ADAM33: variants seen among roughly 807,000 people sequenced by gnomAD.
The protein encoded by ADAM33 is ADAM metallopeptidase domain 33, also known as disintegrin and metalloproteinase domain-containing protein 33.
In ADAM33, 103 loss-of-function variants were observed where a neutral mutation model predicts 106.2. The observed-to-expected ratio is 0.97, with a 90% confidence interval of 0.83 to 1.14. The LOEUF is 1.14. Among genes scored for constraint, ADAM33 ranks in the 50% most tolerant of loss-of-function variants. The probability of loss-of-function intolerance (pLI) is 0.00; values close to 1 mark genes in which losing one functional copy is unlikely to be tolerated. For missense variants in ADAM33, 1,120 were observed against 1,096.6 expected, an observed-to-expected ratio of 1.02 and a Z score of -0.30; for synonymous variants, 483 against 453.0, an observed-to-expected ratio of 1.07 and a Z score of -0.84.
chr20:3,670,907 G>A, intron 19 of ADAM33, 99 bp downstream of exon 19: 1 of 1,431,050 alleles, frequency 7.0e-7, no homozygotes, highest in Non-Finnish European at 9.2e-7. Context: ...TGCACCTGGG[G>A]GCAAGGCTGA....
intron 3 of ADAM33, among the ~76,000 whole-genome samples, chr20:3,676,152 G>A (rs1213808512): frequency 6.6e-6 from 1 of 152,158 alleles, no homozygotes; most frequent in East Asian, 1.9e-4. Context: ...AAGAGCCTGC[G>A]CTCCAGCCCG....
At chr20:3,681,634 G>T (rs1568827753) in intron 1 of ADAM33, among the ~76,000 whole-genome samples, 1 of 140,326 alleles carries the variant, frequency 7.1e-6, no homozygotes, top group Admixed American at 7.3e-5. Flanking sequence ...GCCCCCGAGG[G>T]GGAGGGAGCC....
At chr20:3,669,884 C>G (rs17548872) in intron 19 of ADAM33, 26,571 of 452,290 alleles carry the variant, frequency 0.059, 741 homozygotes, top group East Asian at 0.13. Context: ...ACATTTCCTC[C>G]AGGCTCTGAC....
In ADAM33 at chr20:3,673,678, T is replaced by C; in HGVS notation, c.906-20A>G. ...CGGCCCCTGGGGGCGGAGCGCGGCG[T>C]GACCAGGCGGGGCCGGGAGGTGAGG... On this transcript the variant is annotated intron_variant, in intron 9 of 21. Transcript: ENST00000356518. 1 of 1,347,372 alleles carries C rather than the reference T, an allele frequency of 7.4e-7. No individual in the cohort carries two copies. The highest frequency in any genetic ancestry group is 9.5e-7 in the Non-Finnish European group (1 of 1,056,492). 83.5% of individuals were successfully genotyped at this position (1,347,372 alleles called of 1,614,324 possible). A position where few individuals can be genotyped will look rare whatever the true frequency, so the allele number is the denominator to read the frequency against.
At chr20:3,679,403 C>T (rs2088269632) in intron 2 of ADAM33, 89 bp downstream of exon 2, 2 of 1,409,364 alleles carry the variant, frequency 1.4e-6, no homozygotes, top group African/African-American at 1.4e-5. Context: ...CTGGGGACCC[C>T]AGCAAAACTA....
rs371314056 is a variant in ADAM33 at position 3,674,772 on chromosome 20, C to T, written c.410+1G>A. 5 of 1,605,762 alleles carry T rather than the reference C, an allele frequency of 3.1e-6. No homozygotes were observed. In the South Asian group the frequency reaches 4.5e-5, roughly 14 times the overall value. Reference sequence around the variant, plus strand: ...GCCCAGCCTCCTCTCCCAGAGCTCACCTCATCCCAGAGCAGGTGCAGAGGA... The same window carrying T: ...GCCCAGCCTCCTCTCCCAGAGCTCATCTCATCCCAGAGCAGGTGCAGAGGA... On this transcript the variant is annotated splice_donor_variant, in intron 5 of 21. Coordinates refer to ENST00000356518, the MANE Select transcript of ADAM33 (RefSeq NM_025220.5). LOFTEE classifies it high-confidence loss of function.
intron 19 of ADAM33, 78 bp from the exon 20 acceptor site, chr20:3,669,715 CA>C (rs1568794926): frequency 7.6e-7 from 1 of 1,319,196 alleles, no homozygotes; most frequent in Non-Finnish European, 1.1e-6. Flanking sequence ...GCATGGTGTC[CA>C]GCCCAGGGAG....
chr20:3,677,056 C>T lies in ADAM33; in HGVS notation c.254+11G>A, dbSNP rs760514384. 6.2e-7 allele frequency: 1 copy of T among 1,612,498 alleles called. No homozygotes were observed. The highest frequency in any genetic ancestry group is 8.5e-7 in the Non-Finnish European group (1 of 1,179,722). On this transcript the variant is annotated intron_variant, in intron 3 of 21. Coordinates refer to ENST00000356518, the MANE Select transcript of ADAM33 (RefSeq NM_025220.5). ...CCCCTCCTCCCAGCCCTACCCCAGC[C>T]TGGCACTCACTGGTTCTTCTCCAGC...
chr20:3,677,453 C>T (rs2088074985), intron 2 of ADAM33, among the ~76,000 whole-genome samples: 1 of 152,220 alleles, frequency 6.6e-6, no homozygotes, highest in Non-Finnish European at 1.5e-5. Context: ...CTGGCCCGCC[C>T]TCTTCTTTCA....
intron 19 of ADAM33, chr20:3,670,096 T>C: frequency 4.2e-6 from 1 of 236,848 alleles, no homozygotes; most frequent in Non-Finnish European, 8.4e-6. Flanking sequence ...CATTCTCCCC[T>C]GCCCTGAGAC....
chr20:3,671,596 C>T lies in ADAM33; in HGVS notation c.1890G>A (p.Gln630=), dbSNP rs747087616. 81 of 1,589,658 alleles carry T rather than the reference C, an allele frequency of 5.1e-5. No homozygotes were observed. The South Asian group carries it at 9.0e-4, about 18-fold the overall frequency. Residue 630 remains glutamine (Q), a synonymous_variant, in exon 16 of 22, where the codon CAG becomes CAA. Coordinates refer to ENST00000356518, the MANE Select transcript of ADAM33 (RefSeq NM_025220.5). ...CAGAGCTCACCATTCTAGGTCCACACTGGGTGCCTGGCTCTACCAGGCCCA... is the reference window on the plus strand; with the variant it reads ...CAGAGCTCACCATTCTAGGTCCACATTGGGTGCCTGGCTCTACCAGGCCCA... ...LGLGLVEPGT[Q]CGPRMVCQSR...
In ADAM33 at chr20:3,673,899, G is replaced by A. The variant is rs770835706; in HGVS notation, c.751C>T (p.Leu251=). 2 of 1,563,710 alleles carry A rather than the reference G, an allele frequency of 1.3e-6. No homozygotes were observed. The highest frequency in any genetic ancestry group is 1.9e-5 in the Admixed American group (1 of 53,800). The change falls in exon 9 of 22, where the codon CTG becomes TTG. Residue 251 remains leucine, a synonymous_variant. Transcript: ENST00000356518. ...CCGGTCAGCGCCACCTGAATGTCCA[G>A]AGTCCTGAGAAGCTGAGGGCGAGGC... is the stretch of plus-strand genomic sequence containing the variant. ...ANYVDQLLRT[L]DIQVALTGLE...
At position 3,668,523 on chromosome 20, in the gene ADAM33, T is replaced by G. The variant is rs1600191121; in HGVS notation, c.*440A>C. 9.5e-6 allele frequency: 2 copies of G among 210,094 alleles called. No individual in the cohort carries two copies. The highest frequency in any genetic ancestry group is 1.9e-5 in the Non-Finnish European group (2 of 103,612). 13.0% of individuals were successfully genotyped at this position (210,094 alleles called of 1,614,324 possible). The stretch of plus-strand genomic sequence containing the variant: ...AGAGGCCAGCCAGGCTCCAGGGGAG[T>G]GTGGACTCAGTCGAACCATAGGGCC... On this transcript the variant is annotated 3_prime_UTR_variant, in exon 22 of 22. Coordinates refer to ENST00000356518, the MANE Select transcript of ADAM33 (RefSeq NM_025220.5).
Position 3,671,751 on chromosome 20 carries a change from G to A in ADAM33, c.1735C>T (p.Gln579Ter), listed in dbSNP as rs41423749. The A allele has an allele frequency of 2.4e-5, 37 of 1,573,682 alleles. No homozygotes were observed. In the East Asian group the frequency reaches 8.3e-4, roughly 35 times the overall value. The change falls in exon 16 of 22, where the codon CAG (glutamine) becomes TAG (stop). Residue 579 changes from glutamine (Q) to a stop codon, truncating the protein, a stop_gained. Coordinates refer to ENST00000356518, the MANE Select transcript of ADAM33 (RefSeq NM_025220.5). LOFTEE classifies it high-confidence loss of function. ...GCGAGCAGGCTGGGCTTTCCACCCT[G>A]GCACTGCAGCTTCCCACACAGGGCA... is the stretch of plus-strand genomic sequence containing the variant. ...RDALCGKLQCQGGKPSLLAPH... is the reference protein window; with the variant it reads ...RDALCGKLQC
In ADAM33 at chr20:3,671,070, G is replaced by A. The variant is rs757722962; in HGVS notation, c.2176C>T (p.Arg726Ter). The change falls in exon 19 of 22, where the codon CGA becomes TGA. Residue 726 changes from arginine to a stop codon, truncating the protein, a stop_gained. Coordinates refer to ENST00000356518, the MANE Select transcript of ADAM33 (RefSeq NM_025220.5). LOFTEE classifies it high-confidence loss of function. ...CGCTGCAGATGGGCTCCTGGGAGTC[G>A]GTAGCAACACCAGGCCAGGCCGGCC... is the stretch of plus-strand genomic sequence containing the variant. ...PGAGLAWCCY[R>*]LPGAHLQRCS... is the part of the protein sequence containing the mutation. 1.4e-4 allele frequency: 213 copies of A among 1,574,486 alleles called. No individual in the cohort carries two copies. Among genetic ancestry groups the A allele is most frequent in the Non-Finnish European group, 1.7e-4 (202 of 1,160,216 alleles).
rs774927925 is a variant in ADAM33, at chr20:3,668,846, C to G, written c.*117G>C. 1,143 of 1,265,816 alleles carry G rather than the reference C, an allele frequency of 9.0e-4. 6 individuals carry two copies. The highest frequency in any genetic ancestry group is 7.7e-4 in the Non-Finnish European group (669 of 871,906). 78.4% of individuals were successfully genotyped at this position (1,265,816 alleles called of 1,614,324 possible). A position where few individuals can be genotyped will look rare whatever the true frequency, so the allele number is the denominator to read the frequency against. ...TCCACTCGGGGAAGAAACTTCCAAGCTGCCTGCAGGTGCTGGAGGTCCGGT... is the reference window on the plus strand; with the variant it reads ...TCCACTCGGGGAAGAAACTTCCAAGGTGCCTGCAGGTGCTGGAGGTCCGGT... On this transcript the variant is annotated 3_prime_UTR_variant, in exon 22 of 22. Transcript: ENST00000356518.
At chr20:3,677,761 C>T (rs2088102631) in intron 2 of ADAM33, among the ~76,000 whole-genome samples, 1 of 152,246 alleles carries the variant, frequency 6.6e-6, no homozygotes, top group African/African-American at 2.4e-5. Flanking sequence ...GCCAAGAGAG[C>T]ACACTGGCTC....
At position 3,679,858 on chromosome 20, in the gene ADAM33, C is replaced by T. The variant is rs1315100192; in HGVS notation, c.98-287G>A. On this transcript the variant is annotated intron_variant, in intron 1 of 21. Transcript: ENST00000356518. ...CTTTGTCGGGGGGCAGGCTTGGGCTCGGCGATCACAAGGAAGAGGCCAAGG... is the reference window on the plus strand; with the variant it reads ...CTTTGTCGGGGGGCAGGCTTGGGCTTGGCGATCACAAGGAAGAGGCCAAGG... Among the ~76,000 whole-genome samples the T allele has an allele frequency of 5.3e-5, 8 of 152,078 alleles. 1 individual carries two copies. The South Asian group carries it at 1.2e-3, about 24-fold the overall frequency.
At position 3,673,779 on chromosome 20, in the gene ADAM33, C is replaced by T. The variant is rs1446988470; in HGVS notation, c.871G>A (p.Ala291Thr). 2 of 1,531,696 alleles carry T rather than the reference C, an allele frequency of 1.3e-6. No individual in the cohort carries two copies. Among genetic ancestry groups the T allele is most frequent in the Admixed American group, 2.0e-5 (1 of 50,156 alleles). 94.9% of individuals were successfully genotyped at this position (1,531,696 alleles called of 1,614,324 possible). ...TGCGCGGAGTCGTGGGGCCGCTGCG[C>T]CCACAGCCCCCGGCGCCACTGCAGG... ...AFLQWRRGLWAQRPHDSAQLL... is the reference protein window; with the variant it reads ...AFLQWRRGLWTQRPHDSAQLL... The change falls in exon 9 of 22, where the codon GCG becomes ACG. Residue 291 changes from alanine (A) to threonine (T), a missense_variant. Transcript: ENST00000356518.
Sources: gnomAD v4.1 joint callset for allele counts (sites outside exome capture counted in the v4.1 genomes callset) on GRCh38, gnomAD v4.1.1 for gene constraint, MANE v1.5 for transcripts, NCBI Gene and HGNC (gene_info 2026-07-23, HGNC 2026-07-21) for gene names.